The following MAF variants were observed in gnomAD, a reference collection of about 807,000 sequenced individuals.
MAF encodes the protein transcription factor Maf.
In MAF, 10 loss-of-function variants were observed where a neutral mutation model predicts 22.0. The ratio of observed to expected loss-of-function variants is 0.45; its 90% CI spans 0.28 to 0.77. The LOEUF (loss-of-function observed/expected upper bound fraction) is 0.77, where lower values mean the gene tolerates loss of function less well. MAF is among the 30% of genes least tolerant of loss of function. MAF has a pLI of 0.12. For missense variants in MAF, 544 were observed against 548.4 expected (o/e 0.99, Z 0.08); for synonymous variants, 337 against 255.8 (o/e 1.32, Z -3.03).
chr16:79,443,591 C>T, the MAF span, among the ~76,000 whole-genome samples: 1 of 152,208 alleles, frequency 6.6e-6, no homozygotes, highest in Admixed American at 6.5e-5. Context: ...TTCTTATACC[C>T]AGCCATTCTC....
At chr16:79,498,674 T>G in the MAF span, among the ~76,000 whole-genome samples, 3 of 152,210 alleles carry the variant, frequency 2.0e-5, no homozygotes, top group African/African-American at 7.2e-5. Context: ...TAGCTGAAGT[T>G]CATATGCCTG....
the MAF span, among the ~76,000 whole-genome samples, chr16:79,268,808 A>G: frequency 6.6e-6 from 1 of 152,292 alleles, no homozygotes; most frequent in South Asian, 2.1e-4. Context: ...GGCAGCCAAC[A>G]TCATGCACAC....
the MAF span, among the ~76,000 whole-genome samples, chr16:79,520,040 G>C: frequency 6.6e-6 from 1 of 152,222 alleles, no homozygotes; most frequent in Non-Finnish European, 1.5e-5. Flanking sequence ...CCAAGCGTGT[G>C]CTGACACACG....
At chr16:79,289,600 C>T in the MAF span, among the ~76,000 whole-genome samples, 1 of 149,836 alleles carries the variant, frequency 6.7e-6, no homozygotes, top group Non-Finnish European at 1.5e-5. Flanking sequence ...TGGCTGTGAC[C>T]ATCAGACAAG....
At chr16:79,410,044 G>C in the MAF span, among the ~76,000 whole-genome samples, 1 of 152,180 alleles carries the variant, frequency 6.6e-6, no homozygotes, top group East Asian at 1.9e-4. Flanking sequence ...ACCTAACTTA[G>C]GAGTATGCAC....
the MAF span, among the ~76,000 whole-genome samples, chr16:79,559,275 C>T: frequency 2.6e-5 from 4 of 152,134 alleles, no homozygotes; most frequent in Admixed American, 2.6e-4. Context: ...TAGAAGCAGA[C>T]AGCAGTTTGG....
At chr16:79,439,564 A>G in the MAF span, among the ~76,000 whole-genome samples, 2 of 152,162 alleles carry the variant, frequency 1.3e-5, no homozygotes, top group Non-Finnish European at 2.9e-5. Flanking sequence ...CCTGGCCAGC[A>G]CTTAATATTT....
At chr16:79,434,802 G>C in the MAF span, among the ~76,000 whole-genome samples, 4 of 152,104 alleles carry the variant, frequency 2.6e-5, no homozygotes, top group Non-Finnish European at 5.9e-5. Flanking sequence ...GAAAAGAGTA[G>C]AATATCCACA....
the MAF span, among the ~76,000 whole-genome samples, chr16:79,486,918 T>G: frequency 6.6e-6 from 1 of 152,148 alleles, no homozygotes; most frequent in Non-Finnish European, 1.5e-5. Context: ...TCCTACAAGG[T>G]GGATTTTGAG....
At chr16:79,508,805 G>A in the MAF span, among the ~76,000 whole-genome samples, 5 of 152,152 alleles carry the variant, frequency 3.3e-5, 1 homozygote, top group South Asian at 4.1e-4. Flanking sequence ...CTGAAATGTC[G>A]AGAAGAGGCA....
At chr16:79,403,876 G>C in the MAF span, among the ~76,000 whole-genome samples, 1 of 152,144 alleles carries the variant, frequency 6.6e-6, no homozygotes, top group Non-Finnish European at 1.5e-5. Context: ...TTTCTTTGTG[G>C]CATGGATGGC....
At chr16:79,390,463 C>T in the MAF span, among the ~76,000 whole-genome samples, 7 of 152,222 alleles carry the variant, frequency 4.6e-5, no homozygotes, top group South Asian at 4.1e-4. Flanking sequence ...TATGATTTTT[C>T]GGAACATAAT....
the MAF span, among the ~76,000 whole-genome samples, chr16:79,475,073 C>G: frequency 6.6e-6 from 1 of 152,332 alleles, no homozygotes; most frequent in Middle Eastern, 3.4e-3. Context: ...GGCATCCCGA[C>G]CAAAGCGCTT....
the MAF span, among the ~76,000 whole-genome samples, chr16:79,380,509 A>T: frequency 9.9e-5 from 15 of 152,254 alleles, no homozygotes; most frequent in African/African-American, 3.6e-4. Flanking sequence ...AGAAGGATTA[A>T]GTAATTTTCC....
the MAF span, among the ~76,000 whole-genome samples, chr16:79,474,782 C>T: frequency 6.6e-6 from 1 of 152,082 alleles, no homozygotes; most frequent in Admixed American, 6.6e-5. Context: ...AAGGGACCAT[C>T]CCATGTCAGG....
rs1913373928 is a variant in MAF, at chr16:79,594,368, A to C, written c.*92T>G. On this transcript the variant is annotated 3_prime_UTR_variant, in exon 2 of 2. Transcript: ENST00000326043. Reference sequence around the variant, plus strand: ...ACAGTAATTTTTATTTAAAAAGGAGACTAAACAGAAGTCAGGGGTAGGTGG... The same window carrying C: ...ACAGTAATTTTTATTTAAAAAGGAGCCTAAACAGAAGTCAGGGGTAGGTGG... 1 of 1,098,166 alleles carries C rather than the reference A, an allele frequency of 9.1e-7. No homozygotes were observed. Among genetic ancestry groups the C allele is most frequent in the South Asian group, 1.3e-5 (1 of 74,250 alleles). The allele number at this position is 1,098,166 out of a possible 1,614,324, so 68.0% of individuals were successfully genotyped here. A position where few individuals can be genotyped will look rare whatever the true frequency, so the allele number is the denominator to read the frequency against.
chr16:79,433,129 C>T, the MAF span, among the ~76,000 whole-genome samples: 1 of 152,092 alleles, frequency 6.6e-6, no homozygotes, highest in East Asian at 1.9e-4. Context: ...GGTCCCTTTG[C>T]AATAGTTCCT....
chr16:79,461,020 G>A, the MAF span, among the ~76,000 whole-genome samples: 3 of 152,180 alleles, frequency 2.0e-5, no homozygotes, highest in South Asian at 4.1e-4. Context: ...CAGAAAGGAT[G>A]TGAAATTTGG....
At chr16:79,449,874 C>T in the MAF span, among the ~76,000 whole-genome samples, 1 of 152,222 alleles carries the variant, frequency 6.6e-6, no homozygotes, top group Non-Finnish European at 1.5e-5. Context: ...CCGCTCCTCA[C>T]CCCAGAGAAT....
Sources: allele counts gnomAD v4.1 joint callset (sites outside exome capture counted in the v4.1 genomes callset), GRCh38; gene constraint gnomAD v4.1.1; transcripts MANE v1.5; gene names NCBI Gene and HGNC (gene_info 2026-07-23, HGNC 2026-07-21).